Variants in MAGI1 observed in about 807,000 individuals in gnomAD.
The protein encoded by MAGI1 is membrane associated guanylate kinase, WW and PDZ domain containing 1.
Under a neutral mutation model 139.9 loss-of-function variants are expected in MAGI1, and 58 were observed. The ratio of observed to expected loss-of-function variants is 0.41; its 90% CI spans 0.34 to 0.52. The LOEUF (loss-of-function observed/expected upper bound fraction) is 0.52. MAGI1 is among the 20% of genes least tolerant of loss of function. The pLI is 0.12. For synonymous variants in MAGI1, 812 were observed against 737.9 expected, an observed-to-expected ratio of 1.10 and a Z score of -1.63; for missense variants, 1,874 against 1,901.6, an observed-to-expected ratio of 0.99 and a Z score of 0.27.
At chr3:66,025,377 C>T (rs2068197090) in intron 1 of MAGI1, among the ~76,000 whole-genome samples, 1 of 151,038 alleles carries the variant, frequency 6.6e-6, no homozygotes, top group African/African-American at 2.4e-5. Flanking sequence ...TGTCTCTACC[C>T]AAAAAAAAAT....
At position 66,037,978 on chromosome 3, in the gene MAGI1, A is replaced by G; in HGVS notation, c.313+18T>C. ...CTCCTTTTCTCGGGGCGCCCCCCAA[A>G]GGCGCGCCCTGCCTTACCTTGTCTG... On this transcript the variant is annotated intron_variant, in intron 1 of 22. Transcript: ENST00000402939. 2 of 1,529,562 alleles carry G rather than the reference A, an allele frequency of 1.3e-6. No homozygotes were observed. The allele number at this position is 1,529,562 out of a possible 1,614,324, so 94.7% of individuals were successfully genotyped here. A position where few individuals can be genotyped will look rare whatever the true frequency, so the allele number is the denominator to read the frequency against.
At chr3:65,649,480 G>A (rs938744561) in intron 1 of MAGI1, among the ~76,000 whole-genome samples, 11 of 151,960 alleles carry the variant, frequency 7.2e-5, no homozygotes, top group African/African-American at 2.2e-4. Flanking sequence ...ATCCATAAAC[G>A]GAAAAAATAA....
At chr3:65,977,396 G>A (rs2065318479) in intron 1 of MAGI1, among the ~76,000 whole-genome samples, 1 of 152,116 alleles carries the variant, frequency 6.6e-6, no homozygotes, top group African/African-American at 2.4e-5. Context: ...CCGCTCAGCT[G>A]GACCTGCCAC....
At chr3:65,620,780 C>T (rs916383331) in intron 2 of MAGI1, among the ~76,000 whole-genome samples, 1 of 152,152 alleles carries the variant, frequency 6.6e-6, no homozygotes, top group African/African-American at 2.4e-5. Flanking sequence ...GGGGCCCTGT[C>T]CCAAGTTACT....
chr3:65,715,099 G>A (rs140964005), intron 1 of MAGI1, among the ~76,000 whole-genome samples: 3 of 152,126 alleles, frequency 2.0e-5, no homozygotes, highest in South Asian at 4.2e-4. Context: ...ATGTGGTGTA[G>A]TATACAGATT....
intron 2 of MAGI1, among the ~76,000 whole-genome samples, chr3:65,519,437 G>A (rs910786698): frequency 4.6e-5 from 7 of 152,060 alleles, no homozygotes; most frequent in Admixed American, 1.3e-4. Flanking sequence ...CCAGGCTAGA[G>A]TGCAGTGGTG....
intron 1 of MAGI1, among the ~76,000 whole-genome samples, chr3:65,891,780 C>G (rs2060761347): frequency 1.4e-5 from 2 of 143,892 alleles, no homozygotes; most frequent in African/African-American, 5.1e-5. Flanking sequence ...GGAGATATAC[C>G]TAATGTAAAT....
chr3:65,470,348 A>G lies in MAGI1; in HGVS notation c.894T>C (p.Asn298=), dbSNP rs772731335. The G allele has an allele frequency of 1.2e-6, 2 of 1,613,780 alleles. No individual in the cohort carries two copies. The highest frequency in any genetic ancestry group is 1.7e-6 in the Non-Finnish European group (2 of 1,179,726). Residue 298 remains asparagine, a synonymous_variant, in exon 5 of 23, where the codon AAT becomes AAC. Transcript: ENST00000402939. ...CCCAGTTTTCAGGTAGAGGACCTAAATTATCCTCTGCAGAAAGAGGTAGGT... is the reference window on the plus strand; with the variant it reads ...CCCAGTTTTCAGGTAGAGGACCTAAGTTATCCTCTGCAGAAAGAGGTAGGT... ...PQYLPLSAED[N]LGPLPENWEM...
chr3:65,815,239 A>G (rs965367923), intron 1 of MAGI1, among the ~76,000 whole-genome samples: 1 of 152,212 alleles, frequency 6.6e-6, no homozygotes, highest in African/African-American at 2.4e-5. Context: ...TGGGAATGAA[A>G]TATCTGTCCT....
At chr3:65,910,624 A>C (rs75751018) in intron 1 of MAGI1, among the ~76,000 whole-genome samples, 13,556 of 152,130 alleles carry the variant, frequency 0.089, 1,355 homozygotes, top group East Asian at 0.37. Flanking sequence ...AGTCACTACT[A>C]CTTATTAAAG....
rs536059733 is a variant in MAGI1, at chr3:65,914,986, A to G, written c.313+123010T>C. 2.0e-5 allele frequency among the ~76,000 whole-genome samples: 3 copies of G among 152,354 alleles called. No individual in the cohort carries two copies. In the East Asian group the frequency reaches 5.8e-4, roughly 29 times the overall value. Reference sequence around the variant, plus strand: ...GCTCTCAGCATGTAGTAGGCACTCAATAAATGATAGTTGATAATTTTTTTA... The same window carrying G: ...GCTCTCAGCATGTAGTAGGCACTCAGTAAATGATAGTTGATAATTTTTTTA... On this transcript the variant is annotated intron_variant, in intron 1 of 22. Transcript: ENST00000402939.
chr3:66,021,873 C>T (rs9869966), intron 1 of MAGI1, among the ~76,000 whole-genome samples: 3,362 of 152,250 alleles, frequency 0.022, 131 homozygotes, highest in African/African-American at 0.077. Flanking sequence ...TTCTGATATA[C>T]TTTCCATTCA....
At chr3:65,410,746 C>A (rs1945730652) in intron 12 of MAGI1, among the ~76,000 whole-genome samples, 1 of 152,032 alleles carries the variant, frequency 6.6e-6, no homozygotes, top group Non-Finnish European at 1.5e-5. Context: ...TACTCCAAGT[C>A]TCAGTACCTA....
chr3:65,588,921 C>T (rs1419574179), intron 2 of MAGI1, among the ~76,000 whole-genome samples: 1 of 152,126 alleles, frequency 6.6e-6, no homozygotes. Context: ...ATTGTGACTT[C>T]ACAACAGACG....
At chr3:65,513,637 A>G (rs1445311418) in intron 2 of MAGI1, among the ~76,000 whole-genome samples, 5 of 97,234 alleles carry the variant, frequency 5.1e-5, no homozygotes, top group South Asian at 4.8e-4. Flanking sequence ...ACTACAAACC[A>G]CTGCTCAAGG....
rs559164768 is a variant in MAGI1 at position 65,965,597 on chromosome 3, A to G, written c.313+72399T>C. ...GGATTAATGGAAGAGGAGGAAAGGA[A>G]TGAATTTGAACTGAAGCAGGAACTC... On this transcript the variant is annotated intron_variant, in intron 1 of 22. Coordinates refer to ENST00000402939, the MANE Select transcript of MAGI1 (RefSeq NM_001033057.2). Among the ~76,000 whole-genome samples the G allele has an allele frequency of 4.7e-4, 71 of 152,270 alleles. No homozygotes were observed. The Middle Eastern group carries it at 0.01, about 22-fold the overall frequency.
intron 1 of MAGI1, among the ~76,000 whole-genome samples, chr3:65,705,838 T>C (rs1487627463): frequency 6.6e-6 from 1 of 152,198 alleles, no homozygotes; most frequent in Non-Finnish European, 1.5e-5. Context: ...GGCTAATCCT[T>C]CCTCTCAACA....
At chr3:65,719,467 A>T (rs2032732952) in intron 1 of MAGI1, among the ~76,000 whole-genome samples, 1 of 152,018 alleles carries the variant, frequency 6.6e-6, no homozygotes, top group Non-Finnish European at 1.5e-5. Flanking sequence ...ACTGTTATAT[A>T]TAAATAAATA....
chr3:65,425,841 C>T (rs7429906), intron 12 of MAGI1, among the ~76,000 whole-genome samples: 141,395 of 152,218 alleles, frequency 0.93, 65,753 homozygotes, highest in Middle Eastern at 0.99. Flanking sequence ...ACGCTATCTA[C>T]ATGAGCCTTT....
Sources: allele counts gnomAD v4.1 joint callset (sites outside exome capture counted in the v4.1 genomes callset), GRCh38; gene constraint gnomAD v4.1.1; transcripts MANE v1.5; gene names NCBI Gene and HGNC (gene_info 2026-07-23, HGNC 2026-07-21).